CCDC177: variants seen among roughly 807,000 people sequenced by gnomAD.
CCDC177 encodes coiled-coil domain-containing protein 177.
A neutral mutation model predicts 7.3 loss-of-function variants in CCDC177; 2 were observed. That is an observed-to-expected ratio of 0.28 (90% confidence interval 0.11 to 0.87). The LOEUF (loss-of-function observed/expected upper bound fraction) is 0.87. Ranked by LOEUF, CCDC177 falls within the 40% of genes least tolerant of loss-of-function variation. The pLI, the probability that CCDC177 is intolerant of heterozygous loss-of-function variation, is 0.61. For synonymous variants in CCDC177, 401 were observed against 449.2 expected (o/e 0.89, Z 1.36); for missense variants, 874 against 970.5 (o/e 0.90, Z 1.32).
rs1170839948 is a variant in CCDC177, at chr14:69,573,438, T to A, written c.185A>T (p.Glu62Val). 1 of 1,231,184 alleles carries A rather than the reference T, an allele frequency of 8.1e-7. No individual in the cohort carries two copies. Among genetic ancestry groups the A allele is most frequent in the Admixed American group, 4.2e-5 (1 of 23,686 alleles). The allele number at this position is 1,231,184 out of a possible 1,614,324, so 76.3% of individuals were successfully genotyped here. Reference sequence around the variant, plus strand: ...CGGGGACTGCTCCCGCCGCCCGCCTTCTGCGGCTGCACATGGGACTTCTGC... The same window carrying A: ...CGGGGACTGCTCCCGCCGCCCGCCTACTGCGGCTGCACATGGGACTTCTGC... ...RKAEVPCAAA[E>V]GGRREQSPLL... The change falls in exon 2 of 2, where the codon GAA becomes GTA. Residue 62 changes from glutamate (E) to valine (V), a missense_variant. Physicochemically the swap from Glu to Val is moderately radical, Grantham distance 121. Transcript: ENST00000599174.
rs1164411806 is a variant in CCDC177 at position 69,572,181 on chromosome 14, TC to T, written c.1441del (p.Glu481SerfsTer24). The T allele has an allele frequency of 8.1e-7, 1 of 1,229,842 alleles. No individual in the cohort carries two copies. The highest frequency in any genetic ancestry group is 3.2e-5 in the East Asian group (1 of 31,560). 76.2% of individuals were successfully genotyped at this position (1,229,842 alleles called of 1,614,324 possible). On this transcript the variant is annotated frameshift_variant, in exon 2 of 2. Coordinates refer to ENST00000599174, the MANE Select transcript of CCDC177 (RefSeq NM_001271507.2). LOFTEE classifies it low-confidence loss of function (END_TRUNC). ...GGCGCGGGCCGCGCGCTGGGCGCGC[TC>T]CCTGCGGATCTGCTCAGCCCGCTCC... ...GRERAEQIRR[E>X]RAQRAARAKQ...
Position 69,571,238 on chromosome 14 carries a change from G to C in CCDC177, c.*261C>G, listed in dbSNP as rs1318838363. On this transcript the variant is annotated 3_prime_UTR_variant, in exon 2 of 2. Transcript: ENST00000599174. The stretch of plus-strand genomic sequence containing the variant: ...TCTATTCCAGCCCAAGAGACACATA[G>C]GGAAGTTTGGCAAGGGTCGGTGCGG... The C allele has an allele frequency of 1.7e-6, 1 of 584,162 alleles. No homozygotes were observed. Among genetic ancestry groups the C allele is most frequent in the Non-Finnish European group, 3.0e-6 (1 of 328,012 alleles). The allele number at this position is 584,162 out of a possible 1,614,324, so 36.2% of individuals were successfully genotyped here.
At chr14:69,574,114 C>T (rs1884389764) in intron 1 of CCDC177, among the ~76,000 whole-genome samples, 1 of 152,184 alleles carries the variant, frequency 6.6e-6, no homozygotes, top group African/African-American at 2.4e-5. Context: ...CCAAGGGACC[C>T]CATTTGCCTA....
Position 69,571,003 on chromosome 14 carries a change from G to T in CCDC177, c.*496C>A, listed in dbSNP as rs1160163581. ...CCTTGGAGGAGCTGTGTTTCTCTGG[G>T]AGGCCTCCGCGATTTGTGCAGCTTG... is the stretch of plus-strand genomic sequence containing the variant. On this transcript the variant is annotated 3_prime_UTR_variant, in exon 2 of 2. Coordinates refer to ENST00000599174, the MANE Select transcript of CCDC177 (RefSeq NM_001271507.2). The T allele has an allele frequency of 2.2e-6, 1 of 460,778 alleles. No homozygotes were observed. The highest frequency in any genetic ancestry group is 4.4e-6 in the Non-Finnish European group (1 of 229,274). 28.5% of individuals were successfully genotyped at this position (460,778 alleles called of 1,614,324 possible). A position where few individuals can be genotyped will look rare whatever the true frequency, so the allele number is the denominator to read the frequency against.
Position 69,573,272 on chromosome 14 carries a change from G to A in CCDC177, c.351C>T (p.Asp117=), listed in dbSNP as rs1326679168. ...AGCGGCCCGGAGCCTCTCGCACCAG[G>A]TCGGCCAGGGCCCGTGGCAGCAGCT... ...PVELLPRALA[D]LVREAPGRSM... Residue 117 remains aspartate, a synonymous_variant, in exon 2 of 2, where the codon GAC becomes GAT. Coordinates refer to ENST00000599174, the MANE Select transcript of CCDC177 (RefSeq NM_001271507.2). 1.6e-6 allele frequency: 2 copies of A among 1,231,300 alleles called. No homozygotes were observed. Among genetic ancestry groups the A allele is most frequent in the Non-Finnish European group, 2.0e-6 (2 of 987,744 alleles). 76.3% of individuals were successfully genotyped at this position (1,231,300 alleles called of 1,614,324 possible). A position where few individuals can be genotyped will look rare whatever the true frequency, so the allele number is the denominator to read the frequency against.
In CCDC177 at chr14:69,572,163, G is replaced by A; in HGVS notation, c.1460C>T (p.Ala487Val). ...GCCCTCCTGCCGCTGCTTGGCGCGG[G>A]CCGCGCGCTGGGCGCGCTCCCTGCG... ...QIRRERAQRA[A>V]RAKQRQEGQL... Residue 487 changes from alanine (A) to valine (V), a missense_variant, in exon 2 of 2, where the codon GCC (alanine) becomes GTC (valine). Transcript: ENST00000599174. 8.1e-7 allele frequency: 1 copy of A among 1,228,758 alleles called. No individual in the cohort carries two copies. Among genetic ancestry groups the A allele is most frequent in the Non-Finnish European group, 1.0e-6 (1 of 986,450 alleles). The allele number at this position is 1,228,758 out of a possible 1,614,324, so 76.1% of individuals were successfully genotyped here.
At position 69,573,114 on chromosome 14, in the gene CCDC177, G is replaced by A. The variant is rs1160941605; in HGVS notation, c.509C>T (p.Ala170Val). The change falls in exon 2 of 2, where the codon GCG (alanine) becomes GTG (valine). Residue 170 changes from alanine to valine, a missense_variant. Transcript: ENST00000599174. Reference protein sequence around the residue: ...KRRLFTPLSPAAAAAAAAAAA... With the variant: ...KRRLFTPLSPVAAAAAAAAAA... ...GGCGGCGGCGGCGGCGGCGGCGGCC[G>A]CGGGGCTCAAAGGCGTGAAAAGACG... is the stretch of plus-strand genomic sequence containing the variant. 1.6e-6 allele frequency: 2 copies of A among 1,225,004 alleles called. No homozygotes were observed. The highest frequency in any genetic ancestry group is 2.0e-6 in the Non-Finnish European group (2 of 984,408). 75.9% of individuals were successfully genotyped at this position (1,225,004 alleles called of 1,614,324 possible). A position where few individuals can be genotyped will look rare whatever the true frequency, so the allele number is the denominator to read the frequency against.
chr14:69,572,157 G>A lies in CCDC177; in HGVS notation c.1466C>T (p.Ala489Val). ...RRERAQRAAR[A>V]KQRQEGQLQR... The stretch of plus-strand genomic sequence containing the variant: ...CAGCTGGCCCTCCTGCCGCTGCTTG[G>A]CGCGGGCCGCGCGCTGGGCGCGCTC... Residue 489 changes from alanine to valine, a missense_variant, in exon 2 of 2, where the codon GCC (alanine) becomes GTC (valine). Coordinates refer to ENST00000599174, the MANE Select transcript of CCDC177 (RefSeq NM_001271507.2). 1 of 1,229,898 alleles carries A rather than the reference G, an allele frequency of 8.1e-7. No individual in the cohort carries two copies. Among genetic ancestry groups the A allele is most frequent in the Non-Finnish European group, 1.0e-6 (1 of 986,830 alleles). 76.2% of individuals were successfully genotyped at this position (1,229,898 alleles called of 1,614,324 possible). A position where few individuals can be genotyped will look rare whatever the true frequency, so the allele number is the denominator to read the frequency against.
Position 69,571,654 on chromosome 14 carries a change from G to A in CCDC177, c.1969C>T (p.Leu657=). ...IGRKLERSEQ[L]TRERRSALES... is the part of the protein sequence containing the mutation. ...AGCGCACTGCGCCGTTCCCGCGTCA[G>A]CTGCTCGCTGCGCTCCAGCTTGCGC... The change falls in exon 2 of 2, where the codon CTG becomes TTG. Residue 657 remains leucine, a synonymous_variant. Coordinates refer to ENST00000599174, the MANE Select transcript of CCDC177 (RefSeq NM_001271507.2). 1 of 1,232,140 alleles carries A rather than the reference G, an allele frequency of 8.1e-7. No homozygotes were observed. Among genetic ancestry groups the A allele is most frequent in the East Asian group, 3.2e-5 (1 of 31,690 alleles). 76.3% of individuals were successfully genotyped at this position (1,232,140 alleles called of 1,614,324 possible). A position where few individuals can be genotyped will look rare whatever the true frequency, so the allele number is the denominator to read the frequency against.
At chr14:69,573,697 T>TC (rs773774456) in intron 1 of CCDC177, 47 bp from the exon 2 acceptor site, 468 of 1,227,588 alleles carry the variant, frequency 3.8e-4, no homozygotes, top group Non-Finnish European at 4.6e-4. Flanking sequence ...TGAGAGCTCT[T>TC]CCCCCCTCCT....
Position 69,573,378 on chromosome 14 carries a change from G to A in CCDC177, c.245C>T (p.Pro82Leu), listed in dbSNP as rs1884375768. 8.1e-7 allele frequency: 1 copy of A among 1,231,366 alleles called. No individual in the cohort carries two copies. The highest frequency in any genetic ancestry group is 1.0e-6 in the Non-Finnish European group (1 of 987,708). 76.3% of individuals were successfully genotyped at this position (1,231,366 alleles called of 1,614,324 possible). A position where few individuals can be genotyped will look rare whatever the true frequency, so the allele number is the denominator to read the frequency against. Residue 82 changes from proline (P) to leucine (L), a missense_variant, in exon 2 of 2, where the codon CCA becomes CTA. By Grantham distance (98) the Pro-to-Leu change is moderately conservative. Transcript: ENST00000599174. ...CACGTAGCGGCTGCCCTCCGCCTCT[G>A]GGCAGTCGAAGTTGAAGAGGTCGAG... ...LHLDLFNFDC[P>L]EAEGSRYVLT... is the part of the protein sequence containing the mutation.
In CCDC177 at chr14:69,571,117, G is replaced by C. The variant is rs1884315342; in HGVS notation, c.*382C>G. On this transcript the variant is annotated 3_prime_UTR_variant, in exon 2 of 2. Transcript: ENST00000599174. The stretch of plus-strand genomic sequence containing the variant: ...AGACACCAATGTCGAACAGGTGCCT[G>C]GGGCAACTGCTGCAGAAGGGGTGGG... The C allele has an allele frequency of 2.1e-6, 1 of 476,266 alleles. No homozygotes were observed. The highest frequency in any genetic ancestry group is 2.4e-5 in the Admixed American group (1 of 41,858). The allele number at this position is 476,266 out of a possible 1,614,324, so 29.5% of individuals were successfully genotyped here.
In CCDC177 at chr14:69,572,789, C is replaced by G. The variant is rs1884358889; in HGVS notation, c.834G>C (p.Gly278=). The G allele has an allele frequency of 8.1e-7, 1 of 1,230,846 alleles. No homozygotes were observed. The highest frequency in any genetic ancestry group is 1.6e-5 in the African/African-American group (1 of 64,242). The allele number at this position is 1,230,846 out of a possible 1,614,324, so 76.2% of individuals were successfully genotyped here. The change falls in exon 2 of 2, where the codon GGG becomes GGC. Residue 278 remains glycine (G), a synonymous_variant. Transcript: ENST00000599174. The stretch of plus-strand genomic sequence containing the variant: ...GAGCGTTGGTGGTGGAGGACGCCGA[C>G]CCCGCTGGGCAGCTGTTCCTGGCCG... ...RASARNSCPA[G]SASSTTNAPG...
rs1019811144 is a variant in CCDC177, at chr14:69,573,464, C to T, written c.159G>A (p.Lys53=). 9 of 1,231,006 alleles carry T rather than the reference C, an allele frequency of 7.3e-6. No homozygotes were observed. The highest frequency in any genetic ancestry group is 1.6e-5 in the African/African-American group (1 of 64,340). 76.3% of individuals were successfully genotyped at this position (1,231,006 alleles called of 1,614,324 possible). A position where few individuals can be genotyped will look rare whatever the true frequency, so the allele number is the denominator to read the frequency against. The change falls in exon 2 of 2, where the codon AAG becomes AAA. Residue 53 remains lysine (K), a synonymous_variant. Transcript: ENST00000599174. The part of the protein sequence containing the change: ...SASASAAVPR[K]AEVPCAAAEG... ...CTGCGGCTGCACATGGGACTTCTGCCTTGCGGGGCACCGCCGCGGAGGCCG... is the reference window on the plus strand; with the variant it reads ...CTGCGGCTGCACATGGGACTTCTGCTTTGCGGGGCACCGCCGCGGAGGCCG...
rs548040589 is a variant in CCDC177, at chr14:69,570,187, C to G, written c.*1312G>C. Reference sequence around the variant, plus strand: ...GCTGACAGCAATCCTCCTGCCTCCCCCTCCAGGTCAAGAAAGGCACAAAAA... The same window carrying G: ...GCTGACAGCAATCCTCCTGCCTCCCGCTCCAGGTCAAGAAAGGCACAAAAA... On this transcript the variant is annotated 3_prime_UTR_variant, in exon 2 of 2. Transcript: ENST00000599174. The G allele has an allele frequency of 6.5e-6, 1 of 152,984 alleles. No individual in the cohort carries two copies. The highest frequency in any genetic ancestry group is 2.4e-5 in the African/African-American group (1 of 41,430). 9.5% of individuals were successfully genotyped at this position (152,984 alleles called of 1,614,324 possible).
In CCDC177 at chr14:69,571,667, C is replaced by T. The variant is rs899150346; in HGVS notation, c.1956G>A (p.Glu652=). 8.1e-7 allele frequency: 1 copy of T among 1,232,130 alleles called. No individual in the cohort carries two copies. The highest frequency in any genetic ancestry group is 1.0e-6 in the Non-Finnish European group (1 of 988,282). 76.3% of individuals were successfully genotyped at this position (1,232,130 alleles called of 1,614,324 possible). ...GTTCCCGCGTCAGCTGCTCGCTGCG[C>T]TCCAGCTTGCGCCCGATGGCCTGGA... ...ELLQAIGRKL[E]RSEQLTRERR... The change falls in exon 2 of 2, where the codon GAG becomes GAA. Residue 652 remains glutamate, a synonymous_variant. Transcript: ENST00000599174.
At position 69,571,988 on chromosome 14, in the gene CCDC177, G is replaced by A. The variant is rs1397178071; in HGVS notation, c.1635C>T (p.Tyr545=). 1 of 1,231,316 alleles carries A rather than the reference G, an allele frequency of 8.1e-7. No individual in the cohort carries two copies. Among genetic ancestry groups the A allele is most frequent in the African/African-American group, 1.6e-5 (1 of 64,282 alleles). The allele number at this position is 1,231,316 out of a possible 1,614,324, so 76.3% of individuals were successfully genotyped here. A position where few individuals can be genotyped will look rare whatever the true frequency, so the allele number is the denominator to read the frequency against. The change falls in exon 2 of 2, where the codon TAC becomes TAT. Residue 545 remains tyrosine (Y), a synonymous_variant. Coordinates refer to ENST00000599174, the MANE Select transcript of CCDC177 (RefSeq NM_001271507.2). ...EASLGRAQEN[Y]EHLVEQRTRE... The stretch of plus-strand genomic sequence containing the variant: ...GGGTGCGCTGCTCCACCAAATGCTC[G>A]TAGTTCTCCTGCGCACGGCCCAAAC...
In CCDC177 at chr14:69,571,016, T is replaced by G; in HGVS notation, c.*483A>C. 1 of 461,654 alleles carries G rather than the reference T, an allele frequency of 2.2e-6. No homozygotes were observed. Among genetic ancestry groups the G allele is most frequent in the Non-Finnish European group, 4.4e-6 (1 of 229,850 alleles). 28.6% of individuals were successfully genotyped at this position (461,654 alleles called of 1,614,324 possible). A position where few individuals can be genotyped will look rare whatever the true frequency, so the allele number is the denominator to read the frequency against. On this transcript the variant is annotated 3_prime_UTR_variant, in exon 2 of 2. Coordinates refer to ENST00000599174, the MANE Select transcript of CCDC177 (RefSeq NM_001271507.2). ...GTGTTTCTCTGGGAGGCCTCCGCGA[T>G]TTGTGCAGCTTGCCATATTTTGAAA...
Position 69,572,895 on chromosome 14 carries a change from G to C in CCDC177, c.728C>G (p.Ala243Gly). The change falls in exon 2 of 2, where the codon GCC (alanine) becomes GGC (glycine). Residue 243 changes from alanine to glycine, a missense_variant. By Grantham distance (60) the Ala-to-Gly change is moderately conservative. Transcript: ENST00000599174. ...LDSLSRRREGALSSESGASSS... is the reference protein window; with the variant it reads ...LDSLSRRREGGLSSESGASSS... ...CGATGCGCCCGACTCGGAGCTGAGGGCGCCCTCACGCCGGCGGGACAGTGA... is the reference window on the plus strand; with the variant it reads ...CGATGCGCCCGACTCGGAGCTGAGGCCGCCCTCACGCCGGCGGGACAGTGA... The C allele has an allele frequency of 8.1e-7, 1 of 1,230,986 alleles. No homozygotes were observed. The allele number at this position is 1,230,986 out of a possible 1,614,324, so 76.3% of individuals were successfully genotyped here.
Sources: allele counts gnomAD v4.1 joint callset (sites outside exome capture counted in the v4.1 genomes callset), GRCh38; gene constraint gnomAD v4.1.1; transcripts MANE v1.5; gene names NCBI Gene and HGNC (gene_info 2026-07-23, HGNC 2026-07-21).